Variants in KANSL1L observed in about 807,000 individuals in gnomAD.
The protein encoded by KANSL1L is KAT8 regulatory NSL complex subunit 1-like protein.
Under a neutral mutation model 108.6 loss-of-function variants are expected in KANSL1L, and 25 were observed. The ratio of observed to expected loss-of-function variants is 0.23; its 90% confidence interval spans 0.17 to 0.32. The LOEUF (loss-of-function observed/expected upper bound fraction) is 0.32. Among genes scored for constraint, KANSL1L ranks in the 10% least tolerant of loss-of-function variants. KANSL1L has a pLI of 1.00. For missense variants in KANSL1L, 1,137 were observed against 1,125.7 expected (o/e 1.01, Z -0.14); for synonymous variants, 405 against 395.1 (o/e 1.03, Z -0.30).
intron 3 of KANSL1L, among the ~76,000 whole-genome samples, chr2:210,128,179 AG>A (rs1354888216): frequency 6.6e-6 from 1 of 152,218 alleles, no homozygotes; most frequent in Non-Finnish European, 1.5e-5. Flanking sequence ...TAACTGGTAT[AG>A]CCACTGTGAA....
chr2:210,097,999 T>C, intron 5 of KANSL1L, 87 bp downstream of exon 5: 1 of 1,182,108 alleles, frequency 8.5e-7, no homozygotes, highest in South Asian at 1.6e-5. Flanking sequence ...AAAGTAGCTA[T>C]AATACTTAAA....
At chr2:210,023,206 G>C in intron 14 of KANSL1L, 27 bp from the exon 15 acceptor site, 3 of 1,517,820 alleles carry the variant, frequency 2.0e-6, no homozygotes, top group Non-Finnish European at 2.7e-6. Flanking sequence ...TTTCAGTTAA[G>C]TTTCAACTAA....
chr2:210,071,475 G>C (rs1395089028), intron 6 of KANSL1L, among the ~76,000 whole-genome samples: 2 of 151,812 alleles, frequency 1.3e-5, no homozygotes, highest in African/African-American at 2.4e-5. Context: ...TGCCATGTTG[G>C]CCAGGCTGGT....
At chr2:210,094,017 A>C (rs577867960) in intron 5 of KANSL1L, among the ~76,000 whole-genome samples, 47 of 152,186 alleles carry the variant, frequency 3.1e-4, no homozygotes, top group Non-Finnish European at 5.3e-4. Flanking sequence ...AGTCAAATTC[A>C]TATAGAAGGT....
intron 6 of KANSL1L, among the ~76,000 whole-genome samples, chr2:210,053,528 C>T (rs868616393): frequency 4.0e-5 from 6 of 151,814 alleles, no homozygotes; most frequent in Admixed American, 1.3e-4. Flanking sequence ...ACCTGGGAGG[C>T]GAAGGCTACA....
At chr2:210,118,166 CAAA>C (rs34675432) in intron 3 of KANSL1L, among the ~76,000 whole-genome samples, 5 of 98,976 alleles carry the variant, frequency 5.1e-5, no homozygotes, top group Non-Finnish European at 3.9e-5. Flanking sequence ...AACTCCATCT[CAAA>C]AAAAAAAAAA....
At chr2:210,078,819 G>A (rs1041669912) in intron 5 of KANSL1L, among the ~76,000 whole-genome samples, 2 of 152,012 alleles carry the variant, frequency 1.3e-5, no homozygotes, top group South Asian at 2.1e-4. Flanking sequence ...GATGATTCAG[G>A]TAATTAAGTA....
At position 210,044,019 on chromosome 2, in the gene KANSL1L, T is replaced by A; in HGVS notation, c.1841A>T (p.His614Leu). The stretch of plus-strand genomic sequence containing the variant: ...TCTTAATAGGTAAGACTCCGAATTG[T>A]GTTCATAGCTACTCCAAGTTGAAGC... ...QSASTWSSYE[H>L]NSESYLLREH... Residue 614 changes from histidine (H) to leucine (L), a missense_variant, in exon 7 of 15, where the codon CAC (histidine) becomes CTC (leucine). By Grantham distance (99) the His-to-Leu change is moderately conservative (BLOSUM62 -3). Around this residue, in one of 3 missense-constraint regions of KANSL1L, gnomAD observed 575 missense variants for 567.1 expected, o/e 1.01. Transcript: ENST00000281772. The surrounding 1 kb of genome is among the most constrained non-coding windows in gnomAD (Gnocchi z 4.2). The A allele has an allele frequency of 5.0e-6, 8 of 1,609,512 alleles. No individual in the cohort carries two copies. Among genetic ancestry groups the A allele is most frequent in the Non-Finnish European group, 5.9e-6 (7 of 1,177,028 alleles).
intron 3 of KANSL1L, among the ~76,000 whole-genome samples, chr2:210,106,601 T>C (rs930538588): frequency 2.0e-5 from 3 of 151,936 alleles, no homozygotes; most frequent in Non-Finnish European, 4.4e-5. Context: ...AAACCCTGTC[T>C]CTACTAACAG....
chr2:210,062,036 T>TA (rs1389629175), intron 6 of KANSL1L, among the ~76,000 whole-genome samples: 1 of 152,186 alleles, frequency 6.6e-6, no homozygotes, highest in Admixed American at 6.6e-5. Flanking sequence ...AATATCAAAT[T>TA]AAAAATATAT....
chr2:210,140,435 TG>T (rs546577380), intron 2 of KANSL1L, among the ~76,000 whole-genome samples: 24 of 152,230 alleles, frequency 1.6e-4, no homozygotes, highest in Non-Finnish European at 3.2e-4. Context: ...TGTGTGCCCG[TG>T]GCATCTTTAT....
chr2:210,076,623 T>C (rs1202199935), intron 5 of KANSL1L, among the ~76,000 whole-genome samples: 5 of 151,970 alleles, frequency 3.3e-5, no homozygotes, highest in Non-Finnish European at 5.9e-5. Flanking sequence ...AATAATGAAA[T>C]AGATCACCTA....
At chr2:210,071,704 G>A (rs941541051) in intron 6 of KANSL1L, among the ~76,000 whole-genome samples, 43 of 152,096 alleles carry the variant, frequency 2.8e-4, no homozygotes, top group African/African-American at 1.0e-3. Context: ...CTGTTAGAAC[G>A]TCAATATAAG....
intron 3 of KANSL1L, among the ~76,000 whole-genome samples, chr2:210,117,137 A>T (rs2094962340): frequency 6.6e-6 from 1 of 152,218 alleles, no homozygotes; most frequent in Non-Finnish European, 1.5e-5. Context: ...TAACAGCAGG[A>T]TTAATCAAAA....
In KANSL1L at chr2:210,079,644, A is replaced by ATATGTATGTG. The variant is rs1553653224; in HGVS notation, c.1551-3889_1551-3888insCACATACATA. Reference sequence around the variant, plus strand: ...TATATATATATATATATATATATATATATATATATATATATATATATGTAT... The same window carrying ATATGTATGTG: ...TATATATATATATATATATATATATATATGTATGTGTATATATATATATATATATATGTAT... On this transcript the variant is annotated intron_variant, in intron 5 of 14. Coordinates refer to ENST00000281772, the MANE Select transcript of KANSL1L (RefSeq NM_152519.4). Among the ~76,000 whole-genome samples, 31 of 8,980 alleles carry ATATGTATGTG rather than the reference A, an allele frequency of 3.5e-3. 2 individuals are homozygous for ATATGTATGTG. Among genetic ancestry groups the ATATGTATGTG allele is most frequent in the East Asian group, 0.014 (1 of 72 alleles). The allele number at this position is 8,980 out of a possible 152,430, so 5.9% of individuals were successfully genotyped here. A position where few individuals can be genotyped will look rare whatever the true frequency, so the allele number is the denominator to read the frequency against.
chr2:210,079,656 A>ATGTATGTG (rs2094571801), intron 5 of KANSL1L: 5 of 18,088 alleles, frequency 2.8e-4, no homozygotes, highest in African/African-American at 7.4e-4. Context: ...ATATATATAT[A>ATGTATGTG]TATATATATG....
At chr2:210,023,392 C>G in intron 14 of KANSL1L, among the ~76,000 whole-genome samples, 1 of 152,188 alleles carries the variant, frequency 6.6e-6, no homozygotes, top group East Asian at 1.9e-4. Flanking sequence ...TACTTTGCCT[C>G]TGCCAAGAAG....
rs755349337 is a variant in KANSL1L at position 210,153,688 on chromosome 2, A to T, written c.895T>A (p.Leu299Met). The change falls in exon 2 of 15, where the codon TTG becomes ATG. Residue 299 changes from leucine (L) to methionine (M), a missense_variant. Physicochemically the swap from Leu to Met is conservative, Grantham distance 15. Coordinates refer to ENST00000281772, the MANE Select transcript of KANSL1L (RefSeq NM_152519.4). The part of the protein sequence containing the change: ...CTEIKPEVNT[L>M]TAENKLWDDA... Reference sequence around the variant, plus strand: ...TCCCACAATTTATTCTCTGCAGTCAATGTGTTAACTTCTGGCTTAATTTCA... The same window carrying T: ...TCCCACAATTTATTCTCTGCAGTCATTGTGTTAACTTCTGGCTTAATTTCA... The T allele has an allele frequency of 1.2e-6, 2 of 1,608,492 alleles. No homozygotes were observed. The highest frequency in any genetic ancestry group is 8.5e-7 in the Non-Finnish European group (1 of 1,177,300).
Position 210,154,383 on chromosome 2 carries a change from T to C in KANSL1L, c.200A>G (p.His67Arg), listed in dbSNP as rs771772153. ...TTTTGAAGACTGAGGGGAGCCAAAA[T>C]GTTTTAAATTCACAAAATTAGTATT... ...TLNTNFVNLK[H>R]FGSPQSSKHY... is the part of the protein sequence containing the mutation. The change falls in exon 2 of 15, where the codon CAT becomes CGT. Residue 67 changes from histidine to arginine, a missense_variant. By Grantham distance (29) the His-to-Arg change is conservative (BLOSUM62 0). This residue lies in a region of KANSL1L where 556 missense variants were observed against 537.7 expected (regional missense o/e 1.03). Coordinates refer to ENST00000281772, the MANE Select transcript of KANSL1L (RefSeq NM_152519.4). 4.3e-6 allele frequency: 7 copies of C among 1,610,246 alleles called. No individual in the cohort carries two copies. Among genetic ancestry groups the C allele is most frequent in the Non-Finnish European group, 5.9e-6 (7 of 1,178,474 alleles).
Sources: allele counts gnomAD v4.1 joint callset (sites outside exome capture counted in the v4.1 genomes callset), GRCh38; gene constraint gnomAD v4.1.1; regional missense constraint gnomAD v4.1.1; non-coding constraint Gnocchi (gnomAD v3.1); transcripts MANE v1.5; gene names NCBI Gene and HGNC (gene_info 2026-07-23, HGNC 2026-07-21).